The following BICD1 variants were observed in gnomAD, a reference collection of about 807,000 sequenced individuals.
BICD1 encodes protein bicaudal D homolog 1.
A neutral mutation model predicts 92.5 loss-of-function variants in BICD1; 35 were observed. The ratio of observed to expected loss-of-function variants is 0.38; its 90% CI spans 0.29 to 0.50. The LOEUF is 0.50. Ranked by LOEUF, BICD1 falls within the 20% of genes least tolerant of loss-of-function variation. BICD1 has a pLI of 0.93. For missense variants in BICD1, 950 were observed against 1,189.8 expected (o/e 0.80, Z 2.97); for synonymous variants, 429 against 465.1 (o/e 0.92, Z 1.00).
In BICD1 at chr12:32,379,530, A is replaced by G. The variant is rs1054622020; in HGVS notation, c.*1903A>G. Reference sequence around the variant, plus strand: ...TAACCTTCTGCTCTTTTCTACCTGCATGGCCTTGCTGTTCCTAAACATTGT... The same window carrying G: ...TAACCTTCTGCTCTTTTCTACCTGCGTGGCCTTGCTGTTCCTAAACATTGT... On this transcript the variant is annotated 3_prime_UTR_variant, in exon 10 of 10. Transcript: ENST00000652176. The G allele has an allele frequency of 1.2e-4, 18 of 152,330 alleles. No individual in the cohort carries two copies. Among genetic ancestry groups the G allele is most frequent in the Admixed American group, 9.2e-4 (14 of 15,290 alleles). 9.4% of individuals were successfully genotyped at this position (152,330 alleles called of 1,614,324 possible). A position where few individuals can be genotyped will look rare whatever the true frequency, so the allele number is the denominator to read the frequency against.
intron 1 of BICD1, among the ~76,000 whole-genome samples, chr12:32,126,527 C>T (rs1798266): frequency 0.39 from 59,515 of 151,574 alleles, 12,035 homozygotes; most frequent in Admixed American, 0.52. Context: ...GAGGCCGAGG[C>T]GGGTGGATCA....
chr12:32,308,656 G>A (rs1186686229), intron 4 of BICD1, among the ~76,000 whole-genome samples: 1 of 152,136 alleles, frequency 6.6e-6, no homozygotes, highest in African/African-American at 2.4e-5. Context: ...TGTGGATACT[G>A]GTAGGAATAT....
intron 3 of BICD1, among the ~76,000 whole-genome samples, chr12:32,304,905 T>A (rs1196316562): frequency 1.3e-5 from 2 of 152,066 alleles, no homozygotes; most frequent in Admixed American, 6.6e-5. Context: ...GGCACATGCC[T>A]GTGATACTTG....
chr12:32,214,923 CAG>C (rs1284088997), intron 1 of BICD1, among the ~76,000 whole-genome samples: 1 of 151,878 alleles, frequency 6.6e-6, no homozygotes, highest in African/African-American at 2.4e-5. Flanking sequence ...TTATTGTTCT[CAG>C]AGTCAGAACT....
At chr12:32,135,039 T>TCCTCTCCTCTCCCCC (rs775718573) in intron 1 of BICD1, among the ~76,000 whole-genome samples, 2 of 145,432 alleles carry the variant, frequency 1.4e-5, no homozygotes, top group Non-Finnish European at 3.0e-5. Flanking sequence ...TCCTCTCCTC[T>TCCTCTCCTCTCCCCC]CCCCCTCCTC....
Position 32,383,348 on chromosome 12 carries a change from A to AT in BICD1, c.*5725dup, listed in dbSNP as rs2136358722. The AT allele has an allele frequency of 6.6e-6, 1 of 152,342 alleles. No homozygotes were observed. The highest frequency in any genetic ancestry group is 2.4e-5 in the African/African-American group (1 of 41,602). 9.4% of individuals were successfully genotyped at this position (152,342 alleles called of 1,614,324 possible). ...AATGTTCTCAAAGACACATGCATTT[A>AT]TTTTAAATTCAAAAAATTCTTATGA... On this transcript the variant is annotated 3_prime_UTR_variant, in exon 10 of 10. Transcript: ENST00000652176.
intron 2 of BICD1, among the ~76,000 whole-genome samples, chr12:32,277,798 C>G (rs1322362807): frequency 1.3e-5 from 2 of 152,180 alleles, no homozygotes; most frequent in East Asian, 3.9e-4. Context: ...GGATGATGCT[C>G]ATCTAGCATT....
intron 2 of BICD1, among the ~76,000 whole-genome samples, chr12:32,261,004 G>A (rs1339802333): frequency 3.3e-5 from 5 of 152,130 alleles, no homozygotes; most frequent in Admixed American, 2.6e-4. Flanking sequence ...CCACTGATTC[G>A]GAGAATCTCA....
At chr12:32,304,069 G>A (rs528281795) in intron 3 of BICD1, among the ~76,000 whole-genome samples, 21 of 144,846 alleles carry the variant, frequency 1.4e-4, no homozygotes, top group Admixed American at 1.2e-3. Flanking sequence ...GCGAGACTCC[G>A]TCTCAAAAAA....
intron 8 of BICD1, among the ~76,000 whole-genome samples, chr12:32,349,464 G>C (rs745529210): frequency 6.6e-6 from 1 of 152,136 alleles, no homozygotes; most frequent in African/African-American, 2.4e-5. Flanking sequence ...TTATAAATGT[G>C]AAAGGAGAGC....
intron 2 of BICD1, among the ~76,000 whole-genome samples, chr12:32,238,409 A>G (rs1181902637): frequency 6.6e-6 from 1 of 152,198 alleles, no homozygotes; most frequent in Non-Finnish European, 1.5e-5. Flanking sequence ...AAAGGAAATG[A>G]TTTCTTGGGA....
At chr12:32,365,795 G>T (rs1939506093) in intron 8 of BICD1, among the ~76,000 whole-genome samples, 1 of 152,156 alleles carries the variant, frequency 6.6e-6, no homozygotes, top group Non-Finnish European at 1.5e-5. Context: ...ATTTTTAAAA[G>T]ACAAAAGAAT....
At chr12:32,294,453 C>A (rs2650139) in intron 3 of BICD1, among the ~76,000 whole-genome samples, 3 of 151,834 alleles carry the variant, frequency 2.0e-5, no homozygotes, top group African/African-American at 4.8e-5. Context: ...CTGACAACTT[C>A]TCATTAAAAG....
chr12:32,347,353 G>A (rs1022638123), intron 8 of BICD1, among the ~76,000 whole-genome samples: 5 of 151,400 alleles, frequency 3.3e-5, no homozygotes, highest in Non-Finnish European at 7.4e-5. Flanking sequence ...CATATTAAAT[G>A]TTTGAGCCAG....
In BICD1 at chr12:32,119,243, G is replaced by A. The variant is rs143878698; in HGVS notation, c.213+11699G>A. Among the ~76,000 whole-genome samples, 5 of 152,326 alleles carry A rather than the reference G, an allele frequency of 3.3e-5. No individual in the cohort carries two copies. In the East Asian group the frequency reaches 9.6e-4, roughly 29 times the overall value. On this transcript the variant is annotated intron_variant, in intron 1 of 9. Coordinates refer to ENST00000652176, the MANE Select transcript of BICD1 (RefSeq NM_001714.4). ...AAATATGACCATTCTGTAACACAGTGTATTGCCTACTGGATTTTTCTAATG... is the reference window on the plus strand; with the variant it reads ...AAATATGACCATTCTGTAACACAGTATATTGCCTACTGGATTTTTCTAATG...
intron 2 of BICD1, among the ~76,000 whole-genome samples, chr12:32,250,275 A>T (rs1233533530): frequency 6.6e-6 from 1 of 151,992 alleles, no homozygotes; most frequent in African/African-American, 2.4e-5. Flanking sequence ...TGGGCAGGTA[A>T]CTCCTTTGTG....
Position 32,276,691 on chromosome 12 carries a change from T to C in BICD1, c.427-17303T>C, listed in dbSNP as rs949766571. 2.6e-5 allele frequency among the ~76,000 whole-genome samples: 4 copies of C among 152,052 alleles called. No homozygotes were observed. In the South Asian group the frequency reaches 8.3e-4, roughly 32 times the overall value. On this transcript the variant is annotated intron_variant, in intron 2 of 9. Transcript: ENST00000652176. Reference sequence around the variant, plus strand: ...ACTGCAAAAAAGAAAAAAAAAAGAATCTTCAAATGGCTATTGATGCTAAAG... The same window carrying C: ...ACTGCAAAAAAGAAAAAAAAAAGAACCTTCAAATGGCTATTGATGCTAAAG...
At chr12:32,368,558 G>C (rs1418169809) in intron 9 of BICD1, among the ~76,000 whole-genome samples, 9 of 151,890 alleles carry the variant, frequency 5.9e-5, no homozygotes, top group Non-Finnish European at 1.3e-4. Flanking sequence ...AGCTGGGTGT[G>C]GTGGCACATG....
intron 2 of BICD1, among the ~76,000 whole-genome samples, chr12:32,251,848 TCTTTTTA>T (rs147052179): frequency 0.048 from 7,159 of 150,500 alleles, 283 homozygotes; most frequent in East Asian, 0.21. Flanking sequence ...TTTTGATACT[TCTTTTTA>T]AATTGCCTTC....
Sources: allele counts gnomAD v4.1 joint callset (sites outside exome capture counted in the v4.1 genomes callset), GRCh38; gene constraint gnomAD v4.1.1; transcripts MANE v1.5; gene names NCBI Gene and HGNC (gene_info 2026-07-23, HGNC 2026-07-21).